The following TRAF5 variants were observed in gnomAD, a reference collection of about 807,000 sequenced individuals.
TRAF5 encodes the protein TNF receptor-associated factor 5.
Under a neutral mutation model 64.5 loss-of-function variants are expected in TRAF5, and 48 were observed. That is an observed-to-expected ratio of 0.74 (90% CI 0.59 to 0.95). TRAF5 has a LOEUF of 0.95. Among genes scored for constraint, TRAF5 ranks in the 40% least tolerant of loss-of-function variants. TRAF5 has a pLI of 0.00. For missense variants in TRAF5, 545 were observed against 662.8 expected, an observed-to-expected ratio of 0.82 and a Z score of 1.95; for synonymous variants, 206 against 240.5, an observed-to-expected ratio of 0.86 and a Z score of 1.33.
intron 9 of TRAF5, among the ~76,000 whole-genome samples, 195 bp from the exon 10 acceptor site, chr1:211,371,107 A>AGAGGAG (rs1002123409): frequency 2.6e-5 from 4 of 152,216 alleles, no homozygotes; most frequent in Non-Finnish European, 5.9e-5. Context: ...CTGTGGTAGG[A>AGAGGAG]GAGGAGGAGG....
intron 1 of TRAF5, among the ~76,000 whole-genome samples, chr1:211,337,242 G>T (rs1377876961): frequency 6.6e-6 from 1 of 152,220 alleles, no homozygotes; most frequent in Non-Finnish European, 1.5e-5. Context: ...GTCAGCAAAG[G>T]CCTCCCTTGT....
intron 1 of TRAF5, among the ~76,000 whole-genome samples, chr1:211,334,998 C>T (rs1702252925): frequency 6.6e-6 from 1 of 152,184 alleles, no homozygotes; most frequent in Non-Finnish European, 1.5e-5. Context: ...CTTTGAACCC[C>T]TCAAACTCCA....
At chr1:211,358,089 G>A in intron 4 of TRAF5, 1 of 152,154 alleles carries the variant, frequency 6.6e-6, no homozygotes. Flanking sequence ...GGACCCTCAG[G>A]GGGACAAGTT....
At chr1:211,345,413 G>A (rs975639757) in intron 1 of TRAF5, among the ~76,000 whole-genome samples, 1 of 151,550 alleles carries the variant, frequency 6.6e-6, no homozygotes, top group Non-Finnish European at 1.5e-5. Flanking sequence ...CTTCCTGGAA[G>A]AGCAGAATCA....
chr1:211,352,104 A>G (rs1702802257), intron 1 of TRAF5, among the ~76,000 whole-genome samples: 2 of 152,282 alleles, frequency 1.3e-5, no homozygotes, highest in East Asian at 1.9e-4. Flanking sequence ...GTCCGTTTTC[A>G]TGCTGCTGAT....
intron 1 of TRAF5, chr1:211,346,333 C>A (rs1320339090): frequency 1.0e-6 from 1 of 983,848 alleles, no homozygotes; most frequent in African/African-American, 1.7e-5. Context: ...AACGTCACAG[C>A]CTCTGCATTC....
At chr1:211,328,981 C>G (rs1478114167) in intron 1 of TRAF5, among the ~76,000 whole-genome samples, 2 of 152,142 alleles carry the variant, frequency 1.3e-5, no homozygotes, top group African/African-American at 4.8e-5. Flanking sequence ...CTGCTCCAGG[C>G]CCCTCACCCT....
chr1:211,350,272 T>C (rs929000278), intron 1 of TRAF5, among the ~76,000 whole-genome samples: 11 of 150,272 alleles, frequency 7.3e-5, no homozygotes, highest in African/African-American at 2.7e-4. Context: ...TGGAGTGCAG[T>C]GGCATAATCA....
intron 1 of TRAF5, among the ~76,000 whole-genome samples, chr1:211,329,469 C>G (rs1702104022): frequency 6.6e-6 from 1 of 152,204 alleles, no homozygotes; most frequent in South Asian, 2.1e-4. Context: ...CTATTCCTTC[C>G]ACTTTACCTG....
chr1:211,358,902 TAAA>T (rs1416740528), intron 4 of TRAF5: 5 of 149,160 alleles, frequency 3.4e-5, no homozygotes, highest in Non-Finnish European at 7.4e-5. Context: ...TTTTTAATAA[TAAA>T]TAACAGAATA....
chr1:211,361,015 T>C, intron 6 of TRAF5, 73 bp from the exon 7 acceptor site: 1 of 1,493,366 alleles, frequency 6.7e-7, no homozygotes, highest in South Asian at 1.1e-5. Flanking sequence ...CCCAAGCCAC[T>C]CTTGGCTCCC....
At chr1:211,329,940 T>C in intron 1 of TRAF5, among the ~76,000 whole-genome samples, 1 of 152,116 alleles carries the variant, frequency 6.6e-6, no homozygotes, top group East Asian at 1.9e-4. Flanking sequence ...AAAGCTTTAT[T>C]TGAAGGATCA....
chr1:211,371,432 A>T lies in TRAF5; in HGVS notation c.1061A>T (p.Gln354Leu). The T allele has an allele frequency of 6.2e-7, 1 of 1,607,648 alleles. No homozygotes were observed. The highest frequency in any genetic ancestry group is 8.5e-7 in the Non-Finnish European group (1 of 1,178,662). Reference protein sequence around the residue: ...PLMEAVDTVKQKITLLENNDQ... With the variant: ...PLMEAVDTVKLKITLLENNDQ... ...ATGGAAGCAGTTGATACAGTGAAAC[A>T]GAAAATTACCCTGCTAGAAAACAAT... Residue 354 changes from glutamine to leucine, a missense_variant, in exon 10 of 11, where the codon CAG becomes CTG. Physicochemically the swap from Gln to Leu is moderately radical, Grantham distance 113. Coordinates refer to ENST00000261464, the MANE Select transcript of TRAF5 (RefSeq NM_001033910.3).
intron 4 of TRAF5, chr1:211,356,800 C>T (rs952170691): frequency 5.0e-6 from 1 of 198,438 alleles, no homozygotes; most frequent in Non-Finnish European, 1.0e-5. Context: ...TTTGGGGGAA[C>T]TGTGTGGGAC....
intron 1 of TRAF5, among the ~76,000 whole-genome samples, chr1:211,349,782 T>G (rs538903022): frequency 6.6e-6 from 1 of 152,268 alleles, no homozygotes; most frequent in South Asian, 2.1e-4. Context: ...TGCCTTATTC[T>G]GGGGACTGAA....
intron 1 of TRAF5, among the ~76,000 whole-genome samples, chr1:211,352,440 C>CT (rs1448524679): frequency 1.1e-5 from 1 of 87,098 alleles, no homozygotes; most frequent in Non-Finnish European, 2.1e-5. Flanking sequence ...GTCACTGTCT[C>CT]TAAAAAAAAA....
intron 4 of TRAF5, chr1:211,357,899 G>T (rs1703021025): frequency 6.6e-6 from 1 of 152,100 alleles, no homozygotes; most frequent in Non-Finnish European, 1.5e-5. Flanking sequence ...ACTATTTTAG[G>T]CTTTGCAGGC....
At position 211,372,057 on chromosome 1, in the gene TRAF5, C is replaced by T. The variant is rs528727320; in HGVS notation, c.1100-71C>T. On this transcript the variant is annotated intron_variant, in intron 10 of 10. Coordinates refer to ENST00000261464, the MANE Select transcript of TRAF5 (RefSeq NM_001033910.3). ...GATTCTCTTTCAGGTAACAAAATTC[C>T]ACTTTGGGAAAATTTTAAAGATAAC... The T allele has an allele frequency of 9.2e-5, 127 of 1,378,198 alleles. 3 individuals are homozygous for T. The South Asian group carries it at 1.7e-3, about 19-fold the overall frequency. 85.4% of individuals were successfully genotyped at this position (1,378,198 alleles called of 1,614,324 possible).
chr1:211,353,285 C>T lies in TRAF5; in HGVS notation c.46C>T (p.Arg16Cys), dbSNP rs200654269. The T allele has an allele frequency of 1.2e-4, 187 of 1,614,200 alleles. No homozygotes were observed. The highest frequency in any genetic ancestry group is 4.9e-4 in the Middle Eastern group (3 of 6,062). Reference sequence around the variant, plus strand: ...TAAAGGTATGCCCTGTGGTTTCATCCGCCAGAATTCCGGCAACTCCATTTC... The same window carrying T: ...TAAAGGTATGCCCTGTGGTTTCATCTGCCAGAATTCCGGCAACTCCATTTC... ...EHKGMPCGFI[R>C]QNSGNSISLD... is the part of the protein sequence containing the mutation. Residue 16 changes from arginine to cysteine, a missense_variant, in exon 2 of 11, where the codon CGC (arginine) becomes TGC (cysteine). Arg to Cys is a radical substitution (Grantham distance 180, BLOSUM62 -3). Coordinates refer to ENST00000261464, the MANE Select transcript of TRAF5 (RefSeq NM_001033910.3).
Sources: allele counts gnomAD v4.1 joint callset (sites outside exome capture counted in the v4.1 genomes callset), GRCh38; gene constraint gnomAD v4.1.1; transcripts MANE v1.5; gene names NCBI Gene and HGNC (gene_info 2026-07-23, HGNC 2026-07-21).